Variants in IMPG1 observed in about 807,000 individuals in gnomAD.
IMPG1 encodes interphotoreceptor matrix proteoglycan of 150 kDa.
IMPG1 carries 85 observed loss-of-function variants against 92.0 expected under a neutral mutation model. That is an observed-to-expected ratio of 0.92 (90% CI 0.78 to 1.11). IMPG1 has a LOEUF of 1.11. IMPG1 is among the 50% of genes least tolerant of loss of function. IMPG1 has a pLI of 0.00. For missense variants in IMPG1, 1,022 were observed against 956.0 expected (o/e 1.07, Z -0.91); for synonymous variants, 367 against 334.1 (o/e 1.10, Z -1.08).
chr6:76,053,443 A>G (rs890879725), intron 1 of IMPG1, among the ~76,000 whole-genome samples: 27 of 152,196 alleles, frequency 1.8e-4, no homozygotes, highest in Non-Finnish European at 1.0e-4. Flanking sequence ...GAGACCCACT[A>G]AGAGCTTATA....
At chr6:75,926,001 A>C (rs1318865044) in intron 15 of IMPG1, among the ~76,000 whole-genome samples, 1 of 152,086 alleles carries the variant, frequency 6.6e-6, no homozygotes, top group Non-Finnish European at 1.5e-5. Flanking sequence ...GTTGAGTAAC[A>C]AGTTCCTTGT....
chr6:75,922,913 T>TA (rs931193535), intron 16 of IMPG1, among the ~76,000 whole-genome samples: 6 of 152,068 alleles, frequency 3.9e-5, no homozygotes, highest in African/African-American at 1.2e-4. Context: ...ATTTTTTTTT[T>TA]ATCCAGCACT....
intron 2 of IMPG1, among the ~76,000 whole-genome samples, chr6:76,040,144 A>G (rs1436754051): frequency 6.6e-6 from 1 of 152,212 alleles, no homozygotes; most frequent in Non-Finnish European, 1.5e-5. Flanking sequence ...AGGGGCAGCC[A>G]TAAAGATAAT....
At chr6:75,954,527 G>A (rs1782085423) in intron 12 of IMPG1, among the ~76,000 whole-genome samples, 1 of 152,042 alleles carries the variant, frequency 6.6e-6, no homozygotes, top group African/African-American at 2.4e-5. Context: ...TTTGTTAGAT[G>A]GATAGATTGC....
At chr6:76,032,072 T>C (rs1783661854) in intron 4 of IMPG1, among the ~76,000 whole-genome samples, 1 of 152,238 alleles carries the variant, frequency 6.6e-6, no homozygotes, top group African/African-American at 2.4e-5. Flanking sequence ...ATAATTTCTT[T>C]TCTTTCTTTT....
At chr6:76,030,437 G>A (rs1416219316) in intron 4 of IMPG1, among the ~76,000 whole-genome samples, 1 of 152,078 alleles carries the variant, frequency 6.6e-6, no homozygotes, top group Non-Finnish European at 1.5e-5. Flanking sequence ...CCTTTCAAAT[G>A]CATCCTGAAC....
intron 15 of IMPG1, among the ~76,000 whole-genome samples, chr6:75,924,214 C>CATATGATCGAGCA (rs1168536679): frequency 1.3e-5 from 2 of 150,302 alleles, no homozygotes; most frequent in Admixed American, 1.3e-4. Flanking sequence ...ATAGGACTAC[C>CATATGATCGAGCA]ATATGATCGA....
intron 12 of IMPG1, among the ~76,000 whole-genome samples, chr6:75,992,477 A>C (rs917331729): frequency 1.3e-5 from 2 of 152,094 alleles, no homozygotes; most frequent in African/African-American, 4.8e-5. Context: ...CCATTATCCA[A>C]AGTAGTCCCT....
chr6:75,931,256 T>A, intron 14 of IMPG1, 105 bp from the exon 15 acceptor site: 1 of 1,007,160 alleles, frequency 9.9e-7, no homozygotes, highest in South Asian at 1.5e-5. Context: ...TACCTCATTT[T>A]GGAGTGGGTT....
intron 1 of IMPG1, among the ~76,000 whole-genome samples, chr6:76,068,763 C>T (rs2127599299): frequency 6.6e-6 from 1 of 152,024 alleles, no homozygotes; most frequent in Non-Finnish European, 1.5e-5. Context: ...GAGATCCGCC[C>T]ACCTCAGCCT....
chr6:75,951,539 C>T (rs573206391), intron 12 of IMPG1, among the ~76,000 whole-genome samples: 2 of 152,216 alleles, frequency 1.3e-5, no homozygotes, highest in East Asian at 3.9e-4. Context: ...AGTTTTGACC[C>T]AGAAATTTTA....
At chr6:76,044,115 GGCAAAGTGAAAGGT>G (rs1783891817) in intron 1 of IMPG1, among the ~76,000 whole-genome samples, 1 of 152,150 alleles carries the variant, frequency 6.6e-6, no homozygotes, top group Non-Finnish European at 1.5e-5. Context: ...ATGGCTGCAT[GGCAAAGTGAAAGGT>G]GCCCATTCAA....
In IMPG1 at chr6:76,034,729, T is replaced by G; in HGVS notation, c.360A>C (p.Thr120=). The G allele has an allele frequency of 6.2e-7, 1 of 1,614,042 alleles. No individual in the cohort carries two copies. The highest frequency in any genetic ancestry group is 8.5e-7 in the Non-Finnish European group (1 of 1,179,932). Residue 120 remains threonine (T), a synonymous_variant, in exon 3 of 17, where the codon ACA becomes ACC. Transcript: ENST00000369950. ...YRIFLDRIPD[T]GEYQDWVSIC... is the part of the protein sequence containing the mutation. The stretch of plus-strand genomic sequence containing the variant: ...TGCTGACCCAGTCCTGATATTCCCC[T>G]GTGTCAGGGATGCGATCCAGAAAGA...
chr6:76,057,960 T>C (rs1448807984), intron 1 of IMPG1, among the ~76,000 whole-genome samples: 1 of 142,182 alleles, frequency 7.0e-6, no homozygotes, highest in African/African-American at 2.5e-5. Context: ...AATAAAGGTG[T>C]GCTTCAGTAA....
chr6:76,019,245 C>G (rs1783372473), intron 6 of IMPG1, among the ~76,000 whole-genome samples: 1 of 152,132 alleles, frequency 6.6e-6, no homozygotes, highest in African/African-American at 2.4e-5. Context: ...TGGAAACCAG[C>G]AGGGGTTTCT....
At chr6:75,982,574 TAG>T (rs370573186) in intron 12 of IMPG1, among the ~76,000 whole-genome samples, 39 of 135,614 alleles carry the variant, frequency 2.9e-4, no homozygotes, top group Admixed American at 3.9e-4. Context: ...TATATCTATA[TAG>T]ATATATATAG....
At chr6:76,033,711 T>C (rs1783689031) in intron 4 of IMPG1, among the ~76,000 whole-genome samples, 1 of 152,248 alleles carries the variant, frequency 6.6e-6, no homozygotes, top group Non-Finnish European at 1.5e-5. Flanking sequence ...TCTTCAGATT[T>C]AGACTTCTAA....
intron 4 of IMPG1, among the ~76,000 whole-genome samples, chr6:76,030,470 G>A (rs919941550): frequency 2.6e-5 from 4 of 152,064 alleles, no homozygotes; most frequent in Non-Finnish European, 4.4e-5. Flanking sequence ...TTTAAAAAAT[G>A]CCTTTTTCTC....
intron 14 of IMPG1, among the ~76,000 whole-genome samples, chr6:75,931,617 T>C (rs1006866437): frequency 1.3e-5 from 2 of 152,170 alleles, no homozygotes; most frequent in African/African-American, 4.8e-5. Flanking sequence ...AAGCATTAAG[T>C]CATCATTTAT....
Sources: allele counts gnomAD v4.1 joint callset (sites outside exome capture counted in the v4.1 genomes callset), GRCh38; gene constraint gnomAD v4.1.1; transcripts MANE v1.5; gene names NCBI Gene and HGNC (gene_info 2026-07-23, HGNC 2026-07-21).